ARL8B: variants seen among roughly 807,000 people sequenced by gnomAD.
The protein encoded by ARL8B is ARF like GTPase 8B, also known as ADP-ribosylation factor-like protein 8B.
ARL8B carries 9 observed loss-of-function variants against 30.6 expected under a neutral mutation model. The ratio of observed to expected loss-of-function variants is 0.29; its 90% CI spans 0.18 to 0.51. The LOEUF (loss-of-function observed/expected upper bound fraction) is 0.51. Ranked by LOEUF, ARL8B falls within the 20% of genes least tolerant of loss-of-function variation. ARL8B has a pLI of 0.97. For missense variants in ARL8B, 130 were observed against 227.2 expected (o/e 0.57, Z 2.75); for synonymous variants, 74 against 76.0 (o/e 0.97, Z 0.14).
intron 2 of ARL8B, 124 bp from the exon 3 acceptor site, chr3:5,172,026 C>A: frequency 1.2e-6 from 1 of 830,060 alleles, no homozygotes; most frequent in Non-Finnish European, 1.9e-6. Context: ...CTTTCAGGAG[C>A]ACTTTGCCTC....
At chr3:5,125,558 A>T (rs2054223248) in intron 1 of ARL8B, among the ~76,000 whole-genome samples, 1 of 142,698 alleles carries the variant, frequency 7.0e-6, no homozygotes, top group South Asian at 2.2e-4. Flanking sequence ...TTTGAGACGG[A>T]GTCCCGCTGT....
At chr3:5,162,253 G>T (rs927944066) in intron 1 of ARL8B, among the ~76,000 whole-genome samples, 1 of 152,232 alleles carries the variant, frequency 6.6e-6, no homozygotes, top group African/African-American at 2.4e-5. Context: ...ACAGATGAAA[G>T]AGAATGTCAC....
At chr3:5,124,799 G>A (rs2054215750) in intron 1 of ARL8B, among the ~76,000 whole-genome samples, 2 of 152,168 alleles carry the variant, frequency 1.3e-5, no homozygotes, top group African/African-American at 4.8e-5. Context: ...TGAGGCATAA[G>A]CTTGAGTGAA....
At chr3:5,125,242 C>G (rs1006928770) in intron 1 of ARL8B, among the ~76,000 whole-genome samples, 4 of 152,106 alleles carry the variant, frequency 2.6e-5, no homozygotes, top group African/African-American at 9.7e-5. Flanking sequence ...TACTGGCCCA[C>G]AGAAGGGGAT....
intron 1 of ARL8B, among the ~76,000 whole-genome samples, chr3:5,160,554 T>C (rs2054571963): frequency 6.6e-6 from 1 of 152,222 alleles, no homozygotes. Context: ...GTAAAGGAAG[T>C]TGCTGCAGAG....
intron 1 of ARL8B, among the ~76,000 whole-genome samples, chr3:5,159,634 G>GA (rs1204460423): frequency 7.6e-6 from 1 of 131,862 alleles, no homozygotes; most frequent in Non-Finnish European, 1.7e-5. Context: ...AAGAGAAAAA[G>GA]AAAAAAGACT....
At chr3:5,176,904 TG>T (rs1286034248) in intron 6 of ARL8B, among the ~76,000 whole-genome samples, 1 of 152,106 alleles carries the variant, frequency 6.6e-6, no homozygotes, top group Non-Finnish European at 1.5e-5. Flanking sequence ...ACTAGGAGGG[TG>T]ATGCTGGCAT....
At position 5,122,320 on chromosome 3, in the gene ARL8B, G is replaced by T; in HGVS notation, c.-146G>T. 6.6e-7 allele frequency: 1 copy of T among 1,522,664 alleles called. No homozygotes were observed. Among genetic ancestry groups the T allele is most frequent in the Non-Finnish European group, 8.8e-7 (1 of 1,136,348 alleles). The allele number at this position is 1,522,664 out of a possible 1,614,324, so 94.3% of individuals were successfully genotyped here. A position where few individuals can be genotyped will look rare whatever the true frequency, so the allele number is the denominator to read the frequency against. On this transcript the variant is annotated 5_prime_UTR_variant, in exon 1 of 7. Coordinates refer to ENST00000256496, the MANE Select transcript of ARL8B (RefSeq NM_018184.3). ...TGATCCGCTCGGCTTCCTGGGTCTG[G>T]CTGCTGCCGCCCGCCGGTGTCCGCC...
chr3:5,125,647 C>G (rs1161168944), intron 1 of ARL8B, among the ~76,000 whole-genome samples: 1 of 151,996 alleles, frequency 6.6e-6, no homozygotes, highest in Non-Finnish European at 1.5e-5. Context: ...ATTCTCGTGC[C>G]TCAGCCTCCC....
intron 1 of ARL8B, among the ~76,000 whole-genome samples, chr3:5,124,826 T>C (rs1011483873): frequency 6.6e-6 from 1 of 152,158 alleles, no homozygotes; most frequent in Non-Finnish European, 1.5e-5. Context: ...CTCAGTTAAC[T>C]GTAAATTTTC....
intron 1 of ARL8B, among the ~76,000 whole-genome samples, chr3:5,134,690 C>T (rs1310902263): frequency 6.6e-6 from 1 of 152,162 alleles, no homozygotes; most frequent in Non-Finnish European, 1.5e-5. Flanking sequence ...AAGTGTGATC[C>T]TTGGTCCTCA....
At chr3:5,157,666 T>C (rs62255880) in intron 1 of ARL8B, 2 of 152,034 alleles carry the variant, frequency 1.3e-5, no homozygotes, top group South Asian at 4.1e-4. Context: ...TTTTGTCTGG[T>C]TGCAATGGCA....
At chr3:5,140,739 A>G (rs1375681813) in intron 1 of ARL8B, among the ~76,000 whole-genome samples, 1 of 152,128 alleles carries the variant, frequency 6.6e-6, no homozygotes, top group East Asian at 1.9e-4. Flanking sequence ...CTGAAATTCT[A>G]GGCTATAATA....
At chr3:5,150,107 G>C (rs2054466607) in intron 1 of ARL8B, among the ~76,000 whole-genome samples, 1 of 152,156 alleles carries the variant, frequency 6.6e-6, no homozygotes, top group Non-Finnish European at 1.5e-5. Context: ...AATGAGTTTG[G>C]AAGTGTTCGT....
In ARL8B at chr3:5,126,833, T is replaced by C. The variant is rs1047960231; in HGVS notation, c.123+4245T>C. The stretch of plus-strand genomic sequence containing the variant: ...CTGGCAGTTATTGCACAATAAGTCA[T>C]GTGCCTATATGTGTAATGTATATTG... On this transcript the variant is annotated intron_variant, in intron 1 of 6. Transcript: ENST00000256496. Among the ~76,000 whole-genome samples the C allele has an allele frequency of 5.9e-5, 9 of 152,370 alleles. No individual in the cohort carries two copies. The East Asian group carries it at 1.3e-3, about 23-fold the overall frequency.
At chr3:5,169,214 A>G (rs1262488492) in intron 1 of ARL8B, among the ~76,000 whole-genome samples, 2 of 152,118 alleles carry the variant, frequency 1.3e-5, no homozygotes, top group African/African-American at 4.8e-5. Context: ...TATCTTTTCA[A>G]ACTGAAACTC....
intron 4 of ARL8B, among the ~76,000 whole-genome samples, chr3:5,173,713 T>TCAAA (rs10552472): frequency 0.15 from 22,647 of 151,202 alleles, 1,928 homozygotes; most frequent in Non-Finnish European, 0.2. Flanking sequence ...AGACTCTGTC[T>TCAAA]CAAACAAACA....
chr3:5,142,992 T>C lies in ARL8B; in HGVS notation c.123+20404T>C, dbSNP rs555758649. Among the ~76,000 whole-genome samples, 12 of 152,336 alleles carry C rather than the reference T, an allele frequency of 7.9e-5. No individual in the cohort carries two copies. In the South Asian group the frequency reaches 2.5e-3, roughly 32 times the overall value. ...CCACCCCGTGTTTACTGTCCAACCC[T>C]GAATTGGGTGGTTCACCATACATCA... On this transcript the variant is annotated intron_variant, in intron 1 of 6. Transcript: ENST00000256496.
At chr3:5,173,352 A>G (rs1003461572) in intron 4 of ARL8B, among the ~76,000 whole-genome samples, 2 of 152,244 alleles carry the variant, frequency 1.3e-5, no homozygotes, top group Non-Finnish European at 2.9e-5. Context: ...TCAACCAGTA[A>G]GTATATAATG....
Sources: allele counts gnomAD v4.1 joint callset (sites outside exome capture counted in the v4.1 genomes callset), GRCh38; gene constraint gnomAD v4.1.1; transcripts MANE v1.5; gene names NCBI Gene and HGNC (gene_info 2026-07-23, HGNC 2026-07-21).